ANOS1: variants seen among roughly 807,000 people sequenced by gnomAD.
ANOS1 encodes anosmin-1.
A neutral mutation model predicts 59.0 loss-of-function variants in ANOS1; 6 were observed. The ratio of observed to expected loss-of-function variants is 0.10; its 90% CI spans 0.06 to 0.20. The LOEUF (loss-of-function observed/expected upper bound fraction) is 0.20. Among genes scored for constraint, ANOS1 ranks in the 10% least tolerant of loss-of-function variants. The pLI, the probability that ANOS1 is intolerant of heterozygous loss-of-function variation, is 1.00. For missense variants in ANOS1, 433 were observed against 542.3 expected (o/e 0.80, Z 2.00); for synonymous variants, 217 against 223.4 (o/e 0.97, Z 0.25).
chrX:8,623,908 G>A (rs185688066), intron 2 of ANOS1, among the ~76,000 whole-genome samples: 29 of 110,808 alleles, frequency 2.6e-4, no homozygotes, highest in Admixed American at 9.7e-4. Flanking sequence ...AAGTTACAGC[G>A]CCCGGCAGTG....
At chrX:8,662,871 A>G (rs1932063407) in intron 2 of ANOS1, among the ~76,000 whole-genome samples, 1 of 111,618 alleles carries the variant, frequency 9.0e-6, no homozygotes, top group Non-Finnish European at 1.9e-5. Context: ...AAAAAATACA[A>G]AAATTAGCCA....
At chrX:8,640,970 C>T (rs1247894943) in intron 2 of ANOS1, among the ~76,000 whole-genome samples, 1 of 111,817 alleles carries the variant, frequency 8.9e-6, no homozygotes, top group Non-Finnish European at 1.9e-5. Context: ...TCTCAGAAAA[C>T]AGAATTATAC....
intron 6 of ANOS1, among the ~76,000 whole-genome samples, chrX:8,582,842 G>A (rs1930449975): frequency 8.9e-6 from 1 of 111,873 alleles, no homozygotes; most frequent in South Asian, 3.7e-4. Context: ...ACAATTCCCA[G>A]TTAAAGACAG....
intron 4 of ANOS1, among the ~76,000 whole-genome samples, chrX:8,594,685 TATATATATATATACAC>T (rs1209990228): frequency 1.3e-4 from 8 of 62,120 alleles, no homozygotes; most frequent in African/African-American, 5.1e-4. Flanking sequence ...TATATATATA[TATATATATATATACAC>T]ATATATATAC....
chrX:8,666,943 C>G (rs1357511971), intron 2 of ANOS1, among the ~76,000 whole-genome samples: 6 of 111,905 alleles, frequency 5.4e-5, no homozygotes, highest in Non-Finnish European at 5.6e-5. Flanking sequence ...AACAAATACA[C>G]CAAGTATCAG....
At chrX:8,559,952 A>G (rs2284308) in intron 8 of ANOS1, among the ~76,000 whole-genome samples, 44,477 of 111,006 alleles carry the variant, frequency 0.4, 7,057 homozygotes, top group Admixed American at 0.54. Flanking sequence ...AAACACGCAC[A>G]TGGTAGCTGC....
At position 8,540,810 on chromosome X, in the gene ANOS1, T is replaced by A. The variant is rs543951376; in HGVS notation, c.1355-1052A>T. ...CTTTAAATCCGAGAAAGCAAACAGA[T>A]ATAAAAGTGGGCACTCCGGGCATTT... On this transcript the variant is annotated intron_variant, in intron 9 of 13. Coordinates refer to ENST00000262648, the MANE Select transcript of ANOS1 (RefSeq NM_000216.4). Among the ~76,000 whole-genome samples, 23 of 110,281 alleles carry A rather than the reference T, an allele frequency of 2.1e-4. No individual in the cohort carries two copies. The South Asian group carries it at 8.4e-3, about 40-fold the overall frequency.
At chrX:8,585,137 C>T (rs756492872) in intron 6 of ANOS1, 130 bp downstream of exon 6, 1 of 744,692 alleles carries the variant, frequency 1.3e-6, no homozygotes, top group South Asian at 2.3e-5. Context: ...CATCTGGTCC[C>T]ATTCTCTAAA....
At chrX:8,623,571 G>A in intron 3 of ANOS1, 37 bp downstream of exon 3, 1 of 1,048,667 alleles carries the variant, frequency 9.5e-7, no homozygotes. Flanking sequence ...AGTCAGATTT[G>A]GGTCAAGTGT....
At position 8,532,700 on chromosome X, in the gene ANOS1, T is replaced by C. The variant is rs1392318272; in HGVS notation, c.*295A>G. ...ATTCAGGGAAAACTGAGTTCTGTTGTAATTCAATAGAAATGAGCGACACCA... is the reference window on the plus strand; with the variant it reads ...ATTCAGGGAAAACTGAGTTCTGTTGCAATTCAATAGAAATGAGCGACACCA... On this transcript the variant is annotated 3_prime_UTR_variant, in exon 14 of 14. Transcript: ENST00000262648. 2 of 228,204 alleles carry C rather than the reference T, an allele frequency of 8.8e-6. No individual in the cohort carries two copies. The highest frequency in any genetic ancestry group is 1.6e-5 in the Non-Finnish European group (2 of 126,125). The allele number at this position is 228,204 out of a possible 1,213,427, so 18.8% of individuals were successfully genotyped here.
At chrX:8,687,715 A>G (rs1325050964) in intron 2 of ANOS1, among the ~76,000 whole-genome samples, 1 of 111,359 alleles carries the variant, frequency 9.0e-6, no homozygotes, top group African/African-American at 3.3e-5. Flanking sequence ...TAAATATGCC[A>G]AGGTGGTTGA....
At chrX:8,639,569 T>C (rs1931625566) in intron 2 of ANOS1, among the ~76,000 whole-genome samples, 1 of 112,080 alleles carries the variant, frequency 8.9e-6, no homozygotes, top group Non-Finnish European at 1.9e-5. Flanking sequence ...GTTTATAATT[T>C]ACAGAATGCT....
chrX:8,710,591 G>A (rs1482348671), intron 1 of ANOS1, among the ~76,000 whole-genome samples: 1 of 111,674 alleles, frequency 9.0e-6, no homozygotes. Context: ...CAAGACAAAT[G>A]TAACTCGTTA....
intron 3 of ANOS1, among the ~76,000 whole-genome samples, chrX:8,618,771 T>C (rs760233762): frequency 8.0e-5 from 9 of 112,053 alleles, no homozygotes; most frequent in South Asian, 3.7e-4. Flanking sequence ...TTTTTAAGAT[T>C]TTTGAAAATA....
intron 6 of ANOS1, 68 bp from the exon 7 acceptor site, chrX:8,570,772 T>C: frequency 2.0e-6 from 2 of 993,519 alleles, no homozygotes; most frequent in African/African-American, 1.9e-5. Context: ...ATGTAATGAC[T>C]ACATGGTCAA....
intron 2 of ANOS1, among the ~76,000 whole-genome samples, chrX:8,661,020 C>T (rs1932028170): frequency 9.0e-6 from 1 of 111,628 alleles, no homozygotes; most frequent in Admixed American, 9.5e-5. Context: ...GCAGCCTAAA[C>T]AACAGACTAT....
chrX:8,597,020 G>T lies in ANOS1; in HGVS notation c.541+14C>A. The stretch of plus-strand genomic sequence containing the variant: ...CACTGCATGTGTCTTCACACCCCCA[G>T]TGCTGCCCCTTACCTTTGTACAGAG... On this transcript the variant is annotated intron_variant, in intron 4 of 13. Coordinates refer to ENST00000262648, the MANE Select transcript of ANOS1 (RefSeq NM_000216.4). The T allele has an allele frequency of 8.3e-7, 1 of 1,211,557 alleles. No individual in the cohort carries two copies. Among genetic ancestry groups the T allele is most frequent in the Non-Finnish European group, 1.1e-6 (1 of 895,476 alleles).
chrX:8,558,140 G>A (rs1929976806), intron 8 of ANOS1, among the ~76,000 whole-genome samples: 1 of 109,165 alleles, frequency 9.2e-6, no homozygotes, highest in Non-Finnish European at 1.9e-5. Flanking sequence ...CATGAGCACA[G>A]GGAGGGGAAC....
intron 2 of ANOS1, among the ~76,000 whole-genome samples, chrX:8,658,966 C>T (rs918123968): frequency 1.8e-5 from 2 of 111,591 alleles, no homozygotes; most frequent in African/African-American, 3.3e-5. Context: ...CGGTGGCTCA[C>T]GTCTGTAATC....
Sources: gnomAD v4.1 joint callset for allele counts (sites outside exome capture counted in the v4.1 genomes callset) on GRCh38, gnomAD v4.1.1 for gene constraint, MANE v1.5 for transcripts, NCBI Gene and HGNC (gene_info 2026-07-23, HGNC 2026-07-21) for gene names.